SETBP1: variants seen among roughly 807,000 people sequenced by gnomAD.
The protein encoded by SETBP1 is SET-binding protein.
Under a neutral mutation model 101.0 loss-of-function variants are expected in SETBP1, and 9 were observed. The ratio of observed to expected loss-of-function variants is 0.09; its 90% CI spans 0.05 to 0.16. The LOEUF is 0.16. Ranked by LOEUF, SETBP1 falls within the 10% of genes least tolerant of loss-of-function variation. The pLI, the probability that SETBP1 is intolerant of heterozygous loss-of-function variation, is 1.00. For missense variants in SETBP1, 1,858 were observed against 2,033.8 expected, an observed-to-expected ratio of 0.91 and a Z score of 1.66; for synonymous variants, 818 against 788.5, an observed-to-expected ratio of 1.04 and a Z score of -0.63.
Position 44,893,947 on chromosome 18 carries a change from T to C in SETBP1, c.540+24664T>C, listed in dbSNP as rs190631060. ...ATATACCAAACTTTGTCCATTTCTT[T>C]ATGCTAAGGTTAAACAGGGATTGGA... On this transcript the variant is annotated intron_variant, in intron 3 of 5. Transcript: ENST00000649279. Among the ~76,000 whole-genome samples, 10 of 152,254 alleles carry C rather than the reference T, an allele frequency of 6.6e-5. No individual in the cohort carries two copies. In the East Asian group the frequency reaches 1.9e-3, roughly 29 times the overall value.
At chr18:44,836,458 A>C (rs373387537) in intron 2 of SETBP1, among the ~76,000 whole-genome samples, 2 of 152,184 alleles carry the variant, frequency 1.3e-5, no homozygotes, top group African/African-American at 4.8e-5. Flanking sequence ...GCTGGAGCTC[A>C]GAGCTGCAGA....
chr18:44,843,315 A>G (rs886439881), intron 2 of SETBP1, among the ~76,000 whole-genome samples: 1 of 152,202 alleles, frequency 6.6e-6, no homozygotes, highest in African/African-American at 2.4e-5. Context: ...ATTTGTCAAC[A>G]TTTGAAAATA....
intron 2 of SETBP1, among the ~76,000 whole-genome samples, chr18:44,785,395 C>T (rs561910656): frequency 2.2e-4 from 34 of 152,276 alleles, no homozygotes; most frequent in South Asian, 4.1e-4. Context: ...ATGAATCTCT[C>T]GGTTATTAGA....
At chr18:44,826,407 G>A (rs1354677921) in intron 2 of SETBP1, among the ~76,000 whole-genome samples, 1 of 152,004 alleles carries the variant, frequency 6.6e-6, no homozygotes. Flanking sequence ...CCCCTTTTTG[G>A]CCTTTCTTTT....
At chr18:45,024,288 CA>C (rs555100191) in intron 4 of SETBP1, among the ~76,000 whole-genome samples, 7 of 151,772 alleles carry the variant, frequency 4.6e-5, no homozygotes, top group Non-Finnish European at 8.8e-5. Context: ...AGTTCAGAAT[CA>C]AAAAAAAGAT....
chr18:45,016,682 C>T (rs1352126532), intron 4 of SETBP1, among the ~76,000 whole-genome samples: 1 of 151,852 alleles, frequency 6.6e-6, no homozygotes, highest in Non-Finnish European at 1.5e-5. Flanking sequence ...TGAAGTGTTC[C>T]AGGATCTCCA....
chr18:44,851,056 T>G (rs866270428), intron 2 of SETBP1, among the ~76,000 whole-genome samples: 13 of 152,202 alleles, frequency 8.5e-5, no homozygotes, highest in South Asian at 2.1e-4. Flanking sequence ...GTGCACTATG[T>G]AACAGCTGTC....
At chr18:44,985,530 C>T (rs769697223) in intron 4 of SETBP1, among the ~76,000 whole-genome samples, 1 of 152,158 alleles carries the variant, frequency 6.6e-6, no homozygotes, top group Non-Finnish European at 1.5e-5. Flanking sequence ...AACCAAGGAG[C>T]ACAGTCTTAT....
chr18:44,809,686 T>C (rs997366771), intron 2 of SETBP1, among the ~76,000 whole-genome samples: 8 of 152,286 alleles, frequency 5.3e-5, no homozygotes, highest in African/African-American at 1.9e-4. Context: ...CACAGCTCAT[T>C]ACCTTAGGGT....
At chr18:44,893,819 A>G (rs1305317832) in intron 3 of SETBP1, among the ~76,000 whole-genome samples, 1 of 152,158 alleles carries the variant, frequency 6.6e-6, no homozygotes, top group Non-Finnish European at 1.5e-5. Context: ...AATGCACACA[A>G]AAATACCTAT....
At chr18:44,793,784 T>C (rs2071413440) in intron 2 of SETBP1, among the ~76,000 whole-genome samples, 1 of 152,224 alleles carries the variant, frequency 6.6e-6, no homozygotes, top group African/African-American at 2.4e-5. Flanking sequence ...TATCCAGAAC[T>C]CTTTTAATTA....
At chr18:44,747,604 G>A (rs2070285206) in intron 2 of SETBP1, among the ~76,000 whole-genome samples, 1 of 152,220 alleles carries the variant, frequency 6.6e-6, no homozygotes, top group African/African-American at 2.4e-5. Flanking sequence ...GTACGCTGAT[G>A]CCTCTGTCTG....
At chr18:45,054,349 G>A (rs998653337) in intron 5 of SETBP1, among the ~76,000 whole-genome samples, 2 of 151,884 alleles carry the variant, frequency 1.3e-5, no homozygotes, top group East Asian at 1.9e-4. Context: ...CACCACACCC[G>A]GCTACTTTTT....
At chr18:45,056,600 G>A (rs932590417) in intron 5 of SETBP1, among the ~76,000 whole-genome samples, 2 of 152,226 alleles carry the variant, frequency 1.3e-5, no homozygotes, top group South Asian at 2.1e-4. Context: ...GGAAGCTGCT[G>A]GTTTAATTTA....
At chr18:44,776,011 G>T (rs568656485) in intron 2 of SETBP1, among the ~76,000 whole-genome samples, 1 of 152,150 alleles carries the variant, frequency 6.6e-6, no homozygotes, top group East Asian at 1.9e-4. Context: ...GGACAGAGCC[G>T]TTTTAACGTA....
chr18:45,016,935 A>T (rs1476034741), intron 4 of SETBP1, among the ~76,000 whole-genome samples: 1 of 152,088 alleles, frequency 6.6e-6, no homozygotes, highest in Non-Finnish European at 1.5e-5. Flanking sequence ...GTCTCCTTTC[A>T]CGGCTGCGTG....
chr18:44,820,353 C>A (rs1262139090), intron 2 of SETBP1, among the ~76,000 whole-genome samples: 2 of 152,176 alleles, frequency 1.3e-5, no homozygotes, highest in African/African-American at 4.8e-5. Context: ...CATCTGTTTC[C>A]TAACTCTTGT....
intron 5 of SETBP1, 40 bp downstream of exon 5, chr18:45,038,695 G>A: frequency 6.2e-7 from 1 of 1,606,612 alleles, no homozygotes; most frequent in Non-Finnish European, 8.5e-7. Context: ...CCCCAAGCAA[G>A]ATGAATGTGG....
intron 2 of SETBP1, among the ~76,000 whole-genome samples, chr18:44,742,152 G>A (rs1466541888): frequency 6.6e-6 from 1 of 152,194 alleles, no homozygotes; most frequent in Non-Finnish European, 1.5e-5. Flanking sequence ...AATTTTTGAA[G>A]ACTGAAACAT....
Sources: allele counts gnomAD v4.1 joint callset (sites outside exome capture counted in the v4.1 genomes callset), GRCh38; gene constraint gnomAD v4.1.1; transcripts MANE v1.5; gene names NCBI Gene and HGNC (gene_info 2026-07-23, HGNC 2026-07-21).